The following MAPKAP1 variants were observed in gnomAD, a reference collection of about 807,000 sequenced individuals.
MAPKAP1 encodes MAPK associated protein 1.
MAPKAP1 carries 20 observed loss-of-function variants against 65.7 expected under a neutral mutation model. The ratio of observed to expected loss-of-function variants is 0.30; its 90% confidence interval spans 0.21 to 0.44. The LOEUF is 0.44. MAPKAP1 is among the 20% of genes least tolerant of loss of function. The pLI, the probability that MAPKAP1 is intolerant of heterozygous loss-of-function variation, is 1.00. For missense variants in MAPKAP1, 423 were observed against 648.0 expected (o/e 0.65, Z 3.77); for synonymous variants, 222 against 244.3 (o/e 0.91, Z 0.85).
intron 1 of MAPKAP1, among the ~76,000 whole-genome samples, chr9:125,704,598 C>T (rs922866953): frequency 1.3e-5 from 2 of 152,156 alleles, no homozygotes; most frequent in Admixed American, 6.6e-5. Context: ...CGTAGATCCT[C>T]GAAGTATTTA....
At chr9:125,690,914 A>G (rs1229014000) in intron 1 of MAPKAP1, among the ~76,000 whole-genome samples, 1 of 152,232 alleles carries the variant, frequency 6.6e-6, no homozygotes, top group African/African-American at 2.4e-5. Context: ...ATCTGAAGGC[A>G]GTGAAAGATG....
chr9:125,702,351 A>C (rs957631415), intron 1 of MAPKAP1, among the ~76,000 whole-genome samples: 1 of 152,098 alleles, frequency 6.6e-6, no homozygotes, highest in African/African-American at 2.4e-5. Flanking sequence ...CCTGACCAAC[A>C]TGCAGAAACC....
Position 125,595,679 on chromosome 9 carries a change from G to C in MAPKAP1, c.499-9952C>G. 6.5e-7 allele frequency: 1 copy of C among 1,535,342 alleles called. No individual in the cohort carries two copies. Among genetic ancestry groups the C allele is most frequent in the Non-Finnish European group, 8.7e-7 (1 of 1,147,526 alleles). ...CTCTTCTCCCTGCCGTCCTAAGTCA[G>C]AGTCTCCTAAAGAGCCGGAACAGCT... On this transcript the variant is annotated intron_variant, in intron 4 of 11. Transcript: ENST00000265960. This position sits in a 1 kb window ranked among gnomAD's most constrained non-coding sequence, Gnocchi z 4.0.
intron 10 of MAPKAP1, among the ~76,000 whole-genome samples, chr9:125,446,614 TG>T (rs1441069472): frequency 1.3e-5 from 2 of 152,096 alleles, no homozygotes; most frequent in Non-Finnish European, 2.9e-5. Context: ...GACACAGGGC[TG>T]TGAAGGACAA....
intron 10 of MAPKAP1, among the ~76,000 whole-genome samples, chr9:125,448,966 C>T (rs1175364941): frequency 7.5e-6 from 1 of 132,878 alleles, no homozygotes; most frequent in Non-Finnish European, 1.5e-5. Context: ...GATTGTGCCA[C>T]AGCACTCTGG....
rs944497637 is a variant in MAPKAP1, at chr9:125,598,760, G to GC, written c.499-13034dup. Among the ~76,000 whole-genome samples, 71 of 152,124 alleles carry GC rather than the reference G, an allele frequency of 4.7e-4. 1 individual carries two copies. The highest frequency in any genetic ancestry group is 1.6e-3 in the African/African-American group (65 of 41,498). On this transcript the variant is annotated intron_variant, in intron 4 of 11. Transcript: ENST00000265960. The stretch of plus-strand genomic sequence containing the variant: ...GAGACGATTCAATAAGACTGTACGG[G>GC]CCGGCGCAGTAGCTCACACCTGTAA...
chr9:125,562,597 A>C (rs1276572297), intron 5 of MAPKAP1, among the ~76,000 whole-genome samples: 1 of 152,210 alleles, frequency 6.6e-6, no homozygotes, highest in Non-Finnish European at 1.5e-5. Context: ...TAGTAAAAGA[A>C]GCTACTGTGA....
At chr9:125,657,148 C>T (rs1272305797) in intron 4 of MAPKAP1, among the ~76,000 whole-genome samples, 4 of 152,132 alleles carry the variant, frequency 2.6e-5, no homozygotes, top group Non-Finnish European at 5.9e-5. Flanking sequence ...AATTGCCTCC[C>T]AGAACCACTT....
intron 4 of MAPKAP1, chr9:125,596,230 CT>C: frequency 1.3e-6 from 1 of 765,296 alleles, no homozygotes; most frequent in Non-Finnish European, 2.4e-6. Flanking sequence ...ATGGCTAATA[CT>C]TCATCCAGCG....
Position 125,438,363 on chromosome 9 carries a change from A to G in MAPKAP1, c.*524T>C, listed in dbSNP as rs1852365528. On this transcript the variant is annotated 3_prime_UTR_variant, in exon 12 of 12. Transcript: ENST00000265960. Reference sequence around the variant, plus strand: ...AAGACCTAAACATTTCTTCTGAGAAATCGAACCATAGCTTTTCCAATCTGC... The same window carrying G: ...AAGACCTAAACATTTCTTCTGAGAAGTCGAACCATAGCTTTTCCAATCTGC... The G allele has an allele frequency of 5.0e-6, 2 of 399,224 alleles. No individual in the cohort carries two copies. The highest frequency in any genetic ancestry group is 8.8e-6 in the Non-Finnish European group (2 of 226,300). The allele number at this position is 399,224 out of a possible 1,614,324, so 24.7% of individuals were successfully genotyped here.
chr9:125,438,624 C>A lies in MAPKAP1; in HGVS notation c.*263G>T, dbSNP rs535516894. 6 of 463,616 alleles carry A rather than the reference C, an allele frequency of 1.3e-5. No individual in the cohort carries two copies. In the East Asian group the frequency reaches 2.0e-4, roughly 15 times the overall value. 28.7% of individuals were successfully genotyped at this position (463,616 alleles called of 1,614,324 possible). Reference sequence around the variant, plus strand: ...AGGCATTGAAGGTGGCTGGGCGGCACGTGGCTCCTCTAGGGGGTGGTCTGA... The same window carrying A: ...AGGCATTGAAGGTGGCTGGGCGGCAAGTGGCTCCTCTAGGGGGTGGTCTGA... On this transcript the variant is annotated 3_prime_UTR_variant, in exon 12 of 12. Transcript: ENST00000265960.
chr9:125,591,582 A>C (rs527957305), intron 4 of MAPKAP1, among the ~76,000 whole-genome samples: 1 of 152,336 alleles, frequency 6.6e-6, no homozygotes, highest in South Asian at 2.1e-4. Context: ...TGAATGAAGC[A>C]CTTTATCTTT....
chr9:125,440,410 G>C (rs527829881), intron 11 of MAPKAP1, among the ~76,000 whole-genome samples: 20 of 152,294 alleles, frequency 1.3e-4, no homozygotes, highest in Admixed American at 2.0e-4. Context: ...TGGGGCTTTT[G>C]GTGAACAGAC....
intron 7 of MAPKAP1, among the ~76,000 whole-genome samples, chr9:125,532,951 A>G (rs982502870): frequency 6.6e-6 from 1 of 152,258 alleles, no homozygotes; most frequent in Admixed American, 6.5e-5. Flanking sequence ...GAGGTGGATT[A>G]AAGTCTGGTA....
At chr9:125,687,350 T>G (rs966467136) in intron 1 of MAPKAP1, among the ~76,000 whole-genome samples, 5 of 152,176 alleles carry the variant, frequency 3.3e-5, no homozygotes, top group African/African-American at 1.2e-4. Flanking sequence ...TATGGATTAG[T>G]TAACAGTTGT....
intron 4 of MAPKAP1, among the ~76,000 whole-genome samples, chr9:125,626,699 G>C (rs868714511): frequency 6.6e-6 from 1 of 152,174 alleles, no homozygotes; most frequent in Admixed American, 6.5e-5. Context: ...AAGGAAGCCT[G>C]ATTAGGGCTG....
intron 7 of MAPKAP1, among the ~76,000 whole-genome samples, chr9:125,536,585 T>TATTC (rs6151178): frequency 0.012 from 1,854 of 151,718 alleles, 25 homozygotes; most frequent in African/African-American, 0.035. Context: ...ATTTTCCATT[T>TATTC]ATTCATTCAT....
intron 4 of MAPKAP1, among the ~76,000 whole-genome samples, chr9:125,592,687 G>A (rs548486452): frequency 9.2e-4 from 132 of 144,102 alleles, no homozygotes; most frequent in Non-Finnish European, 1.6e-3. Flanking sequence ...GGCAGATCAC[G>A]AGGTCAGGAG....
intron 7 of MAPKAP1, among the ~76,000 whole-genome samples, chr9:125,526,786 C>CT (rs1185754309): frequency 0.013 from 1,769 of 141,136 alleles, 44 homozygotes; most frequent in African/African-American, 0.04. Flanking sequence ...TTTCTTTTTT[C>CT]TTTTTTTTTT....
Sources: allele counts gnomAD v4.1 joint callset (sites outside exome capture counted in the v4.1 genomes callset), GRCh38; gene constraint gnomAD v4.1.1; non-coding constraint Gnocchi (gnomAD v3.1); transcripts MANE v1.5; gene names NCBI Gene and HGNC (gene_info 2026-07-23, HGNC 2026-07-21).